The following MPHOSPH9 variants were observed in gnomAD, a reference collection of about 807,000 sequenced individuals.
The protein encoded by MPHOSPH9 is M-phase phosphoprotein 9.
Under a neutral mutation model 145.5 loss-of-function variants are expected in MPHOSPH9, and 88 were observed. The ratio of observed to expected loss-of-function variants is 0.60; its 90% CI spans 0.51 to 0.72. MPHOSPH9 has a LOEUF of 0.72. MPHOSPH9 is among the 30% of genes least tolerant of loss of function. The pLI is 0.00. For missense variants in MPHOSPH9, 1,238 were observed against 1,386.6 expected, an observed-to-expected ratio of 0.89 and a Z score of 1.70; for synonymous variants, 435 against 486.2, an observed-to-expected ratio of 0.89 and a Z score of 1.39.
At chr12:123,201,145 T>C (rs1215841530) in intron 11 of MPHOSPH9, among the ~76,000 whole-genome samples, 2 of 152,148 alleles carry the variant, frequency 1.3e-5, no homozygotes, top group Non-Finnish European at 2.9e-5. Flanking sequence ...GTAGAAACAT[T>C]CAATAAGACA....
In MPHOSPH9 at chr12:123,217,952, G is replaced by C. The variant is rs190831614; in HGVS notation, c.996+424C>G. Among the ~76,000 whole-genome samples, 20 of 152,108 alleles carry C rather than the reference G, an allele frequency of 1.3e-4. No homozygotes were observed. In the East Asian group the frequency reaches 3.7e-3, roughly 28 times the overall value. On this transcript the variant is annotated intron_variant, in intron 6 of 23. Coordinates refer to ENST00000606320, the MANE Select transcript of MPHOSPH9 (RefSeq NM_022782.4). ...CCCAGCTACTTGGGAAGCTGAGGCA[G>C]GAGAATGGCGTGAACCCGGGAGGCG...
At chr12:123,207,821 C>G (rs1467310739) in intron 8 of MPHOSPH9, among the ~76,000 whole-genome samples, 1 of 150,092 alleles carries the variant, frequency 6.7e-6, no homozygotes, top group African/African-American at 2.5e-5. Context: ...CCACTGCACT[C>G]CAGCCTGGGC....
Position 123,221,934 on chromosome 12 carries a change from A to G in MPHOSPH9, c.349-39T>C, listed in dbSNP as rs1213311503. The G allele has an allele frequency of 3.8e-6, 4 of 1,039,532 alleles. No homozygotes were observed. In the Admixed American group the frequency reaches 8.7e-5, roughly 23 times the overall value. The allele number at this position is 1,039,532 out of a possible 1,614,324, so 64.4% of individuals were successfully genotyped here. A position where few individuals can be genotyped will look rare whatever the true frequency, so the allele number is the denominator to read the frequency against. On this transcript the variant is annotated intron_variant, in intron 4 of 23. Transcript: ENST00000606320. Reference sequence around the variant, plus strand: ...GTTATAGATTTGGGTAAGAAAGTATATTAAACATCATATTTTTATGACTGT... The same window carrying G: ...GTTATAGATTTGGGTAAGAAAGTATGTTAAACATCATATTTTTATGACTGT...
chr12:123,221,853 T>C lies in MPHOSPH9; in HGVS notation c.391A>G (p.Ser131Gly). ...TCACAGGAAGCTAAGGAAGCACTAC[T>C]AGTCTGTAATTTGACTAAATTTTTT... The part of the protein sequence containing the change: ...EIKNLVKLQT[S>G]SASLASCEGN... The change falls in exon 5 of 24, where the codon AGT (serine) becomes GGT (glycine). Residue 131 changes from serine (S) to glycine (G), a missense_variant. Around this residue, in one of 3 missense-constraint regions of MPHOSPH9, gnomAD observed 837 missense variants for 897.5 expected, o/e 0.93. Coordinates refer to ENST00000606320, the MANE Select transcript of MPHOSPH9 (RefSeq NM_022782.4). The C allele has an allele frequency of 6.2e-7, 1 of 1,600,292 alleles. No individual in the cohort carries two copies. The highest frequency in any genetic ancestry group is 8.5e-7 in the Non-Finnish European group (1 of 1,175,118).
Position 123,174,434 on chromosome 12 carries a change from G to A in MPHOSPH9, c.2456+2254C>T, listed in dbSNP as rs535350067. 3.3e-5 allele frequency among the ~76,000 whole-genome samples: 5 copies of A among 150,916 alleles called. 1 individual carries two copies. The East Asian group carries it at 7.8e-4, about 24-fold the overall frequency. The stretch of plus-strand genomic sequence containing the variant: ...GTTGCCCAGGCTGGAATGCAGTGGC[G>A]CGATCTTGGCTCCCTGCAAGCTCCG... On this transcript the variant is annotated intron_variant, in intron 16 of 23. Transcript: ENST00000606320.
At chr12:123,232,366 A>C (rs2047686393) in intron 1 of MPHOSPH9, among the ~76,000 whole-genome samples, 1 of 152,074 alleles carries the variant, frequency 6.6e-6, no homozygotes, top group Non-Finnish European at 1.5e-5. Context: ...ACACCCACAA[A>C]TACAATGCAA....
chr12:123,194,578 A>G lies in MPHOSPH9; in HGVS notation c.2049T>C (p.Ser683=), dbSNP rs773155325. The change falls in exon 13 of 24, where the codon AGT becomes AGC. Residue 683 remains serine, a synonymous_variant. Coordinates refer to ENST00000606320, the MANE Select transcript of MPHOSPH9 (RefSeq NM_022782.4). ...IEVNDLRERF[S]AASSASKILQ... ...AAATTTTGGAAGCACTGCTGGCTGC[A>G]CTGAAGCGTTCTCTCAAATCATTCT... is the stretch of plus-strand genomic sequence containing the variant. 1.0e-5 allele frequency: 16 copies of G among 1,601,218 alleles called. No homozygotes were observed. Among genetic ancestry groups the G allele is most frequent in the Non-Finnish European group, 1.2e-5 (14 of 1,177,332 alleles).
chr12:123,195,508 C>T (rs2045905789), intron 12 of MPHOSPH9, among the ~76,000 whole-genome samples: 2 of 151,898 alleles, frequency 1.3e-5, no homozygotes, highest in Admixed American at 1.3e-4. Context: ...ATCACTTGAA[C>T]CCAGGAGGCG....
chr12:123,193,094 A>G (rs867612376), intron 13 of MPHOSPH9, among the ~76,000 whole-genome samples: 1 of 85,762 alleles, frequency 1.2e-5, no homozygotes, highest in African/African-American at 4.7e-5. Context: ...AAAAAAAAAA[A>G]AAATATATAT....
Position 123,218,357 on chromosome 12 carries a change from A to G in MPHOSPH9, c.996+19T>C, listed in dbSNP as rs2047058472. 6.2e-7 allele frequency: 1 copy of G among 1,613,654 alleles called. No individual in the cohort carries two copies. The highest frequency in any genetic ancestry group is 1.1e-5 in the South Asian group (1 of 91,062). On this transcript the variant is annotated intron_variant, in intron 6 of 23. Transcript: ENST00000606320. ...ATCATCAGTACTGGAGCCCGCAGGG[A>G]AAGTGACTAGTCACCTACTTTCTCA...
intron 1 of MPHOSPH9, among the ~76,000 whole-genome samples, chr12:123,239,364 G>A (rs1205403727): frequency 1.3e-5 from 2 of 152,094 alleles, no homozygotes; most frequent in African/African-American, 4.8e-5. Flanking sequence ...GTAACTACTA[G>A]AAAATTTAGA....
intron 4 of MPHOSPH9, among the ~76,000 whole-genome samples, chr12:123,222,292 G>A (rs1031460481): frequency 2.8e-4 from 42 of 149,036 alleles, no homozygotes; most frequent in Admixed American, 7.4e-4. Flanking sequence ...GTCACTGCAC[G>A]CCAGCCTGGG....
chr12:123,231,511 G>A (rs1266194810), intron 1 of MPHOSPH9, among the ~76,000 whole-genome samples: 6 of 152,032 alleles, frequency 3.9e-5, no homozygotes, highest in Non-Finnish European at 8.8e-5. Flanking sequence ...TTTTGTCTCT[G>A]TGCAGCTATT....
intron 16 of MPHOSPH9, among the ~76,000 whole-genome samples, chr12:123,170,542 A>G (rs1271504540): frequency 6.6e-6 from 1 of 152,136 alleles, no homozygotes; most frequent in Non-Finnish European, 1.5e-5. Context: ...TTGGCCTCCC[A>G]AAATGCTGAA....
chr12:123,162,923 G>T, intron 20 of MPHOSPH9, 91 bp downstream of exon 20: 1 of 1,285,896 alleles, frequency 7.8e-7, no homozygotes, highest in Non-Finnish European at 1.0e-6. Flanking sequence ...ACTGGTAACT[G>T]AAAAATTAGT....
At chr12:123,234,364 C>G (rs760546189), upstream of MPHOSPH9, among the ~76,000 whole-genome samples, 19 of 149,698 alleles carry the variant, frequency 1.3e-4, no homozygotes, top group Non-Finnish European at 2.4e-4. Flanking sequence ...CTAAGTATAC[C>G]TACCAATTTT....
At chr12:123,235,333 C>A (rs10772997), upstream of MPHOSPH9, among the ~76,000 whole-genome samples, 89,728 of 151,902 alleles carry the variant, frequency 0.59, 30,769 homozygotes, top group Non-Finnish European at 0.75. Context: ...GGCAGGAAGG[C>A]CTTTTTGGGA....
chr12:123,168,889 G>GTT (rs1052892589), intron 16 of MPHOSPH9, among the ~76,000 whole-genome samples: 19 of 141,012 alleles, frequency 1.3e-4, no homozygotes, highest in East Asian at 2.1e-4. Flanking sequence ...CTTTCCCTCA[G>GTT]TTTTTTTTTT....
At chr12:123,234,266 C>G (rs1690874978), upstream of MPHOSPH9, among the ~76,000 whole-genome samples, 1 of 152,204 alleles carries the variant, frequency 6.6e-6, no homozygotes. Flanking sequence ...TTCCCTGGCA[C>G]TATCACTTAG....
Sources: gnomAD v4.1 joint callset for allele counts (sites outside exome capture counted in the v4.1 genomes callset) on GRCh38, gnomAD v4.1.1 for gene constraint, gnomAD v4.1.1 regional missense constraint, MANE v1.5 for transcripts, NCBI Gene and HGNC (gene_info 2026-07-23, HGNC 2026-07-21) for gene names.